The following HECW2 variants were observed in gnomAD, a reference collection of about 807,000 sequenced individuals.
HECW2 encodes E3 ubiquitin-protein ligase HECW2.
HECW2 carries 61 observed loss-of-function variants against 175.2 expected under a neutral mutation model. That is an observed-to-expected ratio of 0.35 (90% CI 0.28 to 0.43). HECW2 has a LOEUF of 0.43. HECW2 is among the 20% of genes least tolerant of loss of function. The probability of loss-of-function intolerance (pLI) is 1.00; values close to 1 mark genes in which losing one functional copy is unlikely to be tolerated. For missense variants in HECW2, 1,524 were observed against 2,000.5 expected (o/e 0.76, Z 4.54); for synonymous variants, 671 against 731.0 (o/e 0.92, Z 1.32).
At chr2:196,337,163 G>T (rs1034071970) in intron 3 of HECW2, among the ~76,000 whole-genome samples, 26 of 152,146 alleles carry the variant, frequency 1.7e-4, no homozygotes, top group Admixed American at 3.3e-4. Context: ...GACAAAGGGG[G>T]AGAGCAGCAT....
chr2:196,303,126 G>A (rs761378948), intron 13 of HECW2, among the ~76,000 whole-genome samples: 2 of 152,134 alleles, frequency 1.3e-5, no homozygotes, highest in Non-Finnish European at 1.5e-5. Context: ...AACATGAAGC[G>A]ATGTTGAATT....
chr2:196,300,815 G>A (rs911554265), intron 13 of HECW2, among the ~76,000 whole-genome samples: 2 of 151,850 alleles, frequency 1.3e-5, no homozygotes, highest in African/African-American at 2.4e-5. Context: ...GAAAGCCAGT[G>A]GTTAAACATA....
At chr2:196,352,193 A>G (rs1693193075) in intron 2 of HECW2, among the ~76,000 whole-genome samples, 1 of 152,220 alleles carries the variant, frequency 6.6e-6, no homozygotes, top group Admixed American at 6.5e-5. Flanking sequence ...AATGGAGACA[A>G]GAGTGTGTCT....
intron 5 of HECW2, among the ~76,000 whole-genome samples, chr2:196,326,577 G>T (rs965130505): frequency 2.0e-5 from 3 of 151,636 alleles, no homozygotes; most frequent in Non-Finnish European, 4.4e-5. Flanking sequence ...CTGAGTAGCT[G>T]GGATTACAGG....
intron 17 of HECW2, among the ~76,000 whole-genome samples, chr2:196,264,629 T>A (rs903258335): frequency 3.3e-5 from 5 of 152,218 alleles, no homozygotes; most frequent in African/African-American, 9.6e-5. Flanking sequence ...TAAACTAATT[T>A]TGGCTATTGG....
chr2:196,257,488 A>C (rs908328618), intron 18 of HECW2, among the ~76,000 whole-genome samples: 7 of 152,206 alleles, frequency 4.6e-5, no homozygotes, highest in Admixed American at 4.6e-4. Context: ...TGAAAGGGTA[A>C]ACACTGAGGG....
chr2:196,254,452 T>C (rs1559466790), intron 18 of HECW2, among the ~76,000 whole-genome samples: 1 of 152,214 alleles, frequency 6.6e-6, no homozygotes, highest in African/African-American at 2.4e-5. Flanking sequence ...TCGAAGGGCT[T>C]AGGATTTAAT....
intron 1 of HECW2, among the ~76,000 whole-genome samples, chr2:196,504,981 T>C (rs1035323106): frequency 1.3e-5 from 2 of 152,220 alleles, no homozygotes; most frequent in East Asian, 1.9e-4. Context: ...TCTACCTATA[T>C]CTGTAAAACT....
intron 2 of HECW2, among the ~76,000 whole-genome samples, chr2:196,388,324 G>A (rs1379900338): frequency 6.6e-6 from 1 of 152,046 alleles, no homozygotes; most frequent in Middle Eastern, 3.2e-3. Flanking sequence ...TATTATAATT[G>A]TACAAAACGT....
chr2:196,588,371 C>T (rs1485190613), intron 1 of HECW2, among the ~76,000 whole-genome samples: 2 of 152,178 alleles, frequency 1.3e-5, no homozygotes, highest in Non-Finnish European at 2.9e-5. Context: ...AACCACCAAA[C>T]TGCCTATGGA....
intron 1 of HECW2, among the ~76,000 whole-genome samples, chr2:196,458,436 T>A (rs200657526): frequency 1.4e-4 from 21 of 146,814 alleles, no homozygotes; most frequent in Admixed American, 4.8e-4. Flanking sequence ...TCTCACTCAC[T>A]CACACACACA....
rs1160140452 is a variant in HECW2, at chr2:196,323,915, G to GTTT, written c.741+1062_741+1064dup. On this transcript the variant is annotated intron_variant, in intron 6 of 28. Coordinates refer to ENST00000644978, the MANE Select transcript of HECW2 (RefSeq NM_001348768.2). The stretch of plus-strand genomic sequence containing the variant: ...CCCTTAAGAGTTTTTTTTGTTTTTT[G>GTTT]TTTGTTTTTTTTTTTTTTTTTTACC... Among the ~76,000 whole-genome samples, 21 of 68,802 alleles carry GTTT rather than the reference G, an allele frequency of 3.1e-4. 2 individuals carry two copies. The highest frequency in any genetic ancestry group is 6.2e-4 in the South Asian group (1 of 1,622). 45.1% of individuals were successfully genotyped at this position (68,802 alleles called of 152,430 possible).
chr2:196,486,511 T>A (rs1470144432), intron 1 of HECW2, among the ~76,000 whole-genome samples: 1 of 152,148 alleles, frequency 6.6e-6, no homozygotes, highest in Non-Finnish European at 1.5e-5. Flanking sequence ...TCCAGCATTA[T>A]ACACAGGAGT....
rs150360563 is a variant in HECW2 at position 196,195,576 on chromosome 2, G to A, written c.*5701C>T. The A allele has an allele frequency of 6.6e-6, 1 of 152,250 alleles. No homozygotes were observed. Among genetic ancestry groups the A allele is most frequent in the African/African-American group, 2.4e-5 (1 of 41,548 alleles). The allele number at this position is 152,250 out of a possible 1,614,324, so 9.4% of individuals were successfully genotyped here. The stretch of plus-strand genomic sequence containing the variant: ...GGAAACACTAATTTAGTCTCCATTT[G>A]CAACCTCACTCTTAGGATTTCACTT... On this transcript the variant is annotated 3_prime_UTR_variant, in exon 29 of 29. Transcript: ENST00000644978.
intron 17 of HECW2, chr2:196,263,760 G>T (rs1689401998): frequency 6.6e-6 from 1 of 152,128 alleles, no homozygotes; most frequent in Admixed American, 6.5e-5. Context: ...GACAAAGTTT[G>T]TCATAAATAG....
intron 21 of HECW2, among the ~76,000 whole-genome samples, chr2:196,232,385 C>T (rs1341723531): frequency 1.3e-5 from 2 of 152,168 alleles, no homozygotes; most frequent in Admixed American, 1.3e-4. Flanking sequence ...TGTAACTACA[C>T]TGGGGCAGGG....
chr2:196,425,262 G>T (rs1309934462), intron 2 of HECW2, among the ~76,000 whole-genome samples: 1 of 150,896 alleles, frequency 6.6e-6, no homozygotes, highest in Non-Finnish European at 1.5e-5. Flanking sequence ...CACCTAAGAG[G>T]TCTGATGAAG....
Position 196,242,304 on chromosome 2 carries a change from T to C in HECW2, c.3530-100A>G, listed in dbSNP as rs1305880958. 6 of 1,448,486 alleles carry C rather than the reference T, an allele frequency of 4.1e-6. No homozygotes were observed. The Admixed American group carries it at 5.9e-5, about 14-fold the overall frequency. The allele number at this position is 1,448,486 out of a possible 1,614,324, so 89.7% of individuals were successfully genotyped here. ...AAGCTATCACAATCAACAAGTCAAA[T>C]GAGGCAACTGTCTTAACTTCTGCAT... On this transcript the variant is annotated intron_variant, in intron 19 of 28. Transcript: ENST00000644978.
At chr2:196,488,417 C>G (rs184990660) in intron 1 of HECW2, among the ~76,000 whole-genome samples, 60 of 152,234 alleles carry the variant, frequency 3.9e-4, no homozygotes, top group Non-Finnish European at 1.5e-5. Flanking sequence ...TCTCTTTCTT[C>G]TTTATCTTTC....
Sources: allele counts gnomAD v4.1 joint callset (sites outside exome capture counted in the v4.1 genomes callset), GRCh38; gene constraint gnomAD v4.1.1; transcripts MANE v1.5; gene names NCBI Gene and HGNC (gene_info 2026-07-23, HGNC 2026-07-21).